LUZP1: variants seen among roughly 807,000 people sequenced by gnomAD.
The protein encoded by LUZP1 is filamin mechanobinding actin cross-linking protein.
LUZP1 carries 25 observed loss-of-function variants against 71.3 expected under a neutral mutation model. The ratio of observed to expected loss-of-function variants is 0.35; its 90% CI spans 0.26 to 0.49. The LOEUF is 0.49. Ranked by LOEUF, LUZP1 falls within the 20% of genes least tolerant of loss-of-function variation. The probability of loss-of-function intolerance (pLI) is 0.99; values close to 1 mark genes in which losing one functional copy is unlikely to be tolerated. For synonymous variants in LUZP1, 481 were observed against 506.4 expected (o/e 0.95, Z 0.67); for missense variants, 1,142 against 1,300.8 (o/e 0.88, Z 1.88).
chr1:23,147,750 C>T (rs1242118850), intron 2 of LUZP1, among the ~76,000 whole-genome samples: 1 of 151,922 alleles, frequency 6.6e-6, no homozygotes, highest in Non-Finnish European at 1.5e-5. Flanking sequence ...TTGCCATTTT[C>T]CATGTAAACA....
At chr1:23,115,859 A>AACC (rs1158938770) in intron 2 of LUZP1, among the ~76,000 whole-genome samples, 2 of 152,070 alleles carry the variant, frequency 1.3e-5, no homozygotes, top group African/African-American at 2.4e-5. Context: ...TTCCTTTTCT[A>AACC]ACCAGTGGTC....
rs1057468575 is a variant in LUZP1 at position 23,123,720 on chromosome 1, G to C, written c.-225-14593C>G. On this transcript the variant is annotated intron_variant, in intron 2 of 4. Coordinates refer to ENST00000302291, the Ensembl canonical transcript of LUZP1. ...AGCTCTCCCTGCTCTCAGGCCCTGA[G>C]GTAAGCCAGCATTTCCTTTCCAAGG... is the stretch of plus-strand genomic sequence containing the variant. 3.3e-5 allele frequency among the ~76,000 whole-genome samples: 5 copies of C among 152,066 alleles called. No homozygotes were observed. The South Asian group carries it at 1.0e-3, about 32-fold the overall frequency.
intron 2 of LUZP1, among the ~76,000 whole-genome samples, chr1:23,147,815 T>G (rs755315155): frequency 2.0e-4 from 31 of 152,188 alleles, no homozygotes; most frequent in Non-Finnish European, 2.6e-4. Flanking sequence ...AATGGGCATA[T>G]GTTTTACATT....
rs1644588163 is a variant in LUZP1, at chr1:23,177,283, G to GACCCT, written c.-485+207_-485+208insAGGGT. Among the ~76,000 whole-genome samples, 4 of 152,254 alleles carry GACCCT rather than the reference G, an allele frequency of 2.6e-5. No individual in the cohort carries two copies. In the South Asian group the frequency reaches 8.3e-4, roughly 32 times the overall value. Reference sequence around the variant, plus strand: ...CACACAACATGTTACACAATTACAAGGGGTTCACAGACCTCTGAGAGGACA... The same window carrying GACCCT: ...CACACAACATGTTACACAATTACAAGACCCTGGGTTCACAGACCTCTGAGAGGACA... On this transcript the variant is annotated intron_variant, in intron 1 of 4. Transcript: ENST00000302291.
intron 2 of LUZP1, among the ~76,000 whole-genome samples, chr1:23,138,912 C>T (rs1288777766): frequency 4.2e-5 from 6 of 143,710 alleles, no homozygotes; most frequent in Non-Finnish European, 7.5e-5. Context: ...GCAGGAGAAT[C>T]GCTTGAACCC....
At chr1:23,166,048 CAAAAAAAAAAA>C (rs76454136) in intron 2 of LUZP1, among the ~76,000 whole-genome samples, 1 of 98,534 alleles carries the variant, frequency 1.0e-5, no homozygotes, top group Non-Finnish European at 2.3e-5. Flanking sequence ...GTCTTTTTAC[CAAAAAAAAAAA>C]AAAAAAGAAA....
At position 23,124,897 on chromosome 1, in the gene LUZP1, T is replaced by C. The variant is rs537361250; in HGVS notation, c.-225-15770A>G. Reference sequence around the variant, plus strand: ...GACTTTCGTTCATTCTAATGCCCTTTCAAACTCTAAATGACCTAACCTTGA... The same window carrying C: ...GACTTTCGTTCATTCTAATGCCCTTCCAAACTCTAAATGACCTAACCTTGA... On this transcript the variant is annotated intron_variant, in intron 2 of 4. Coordinates refer to ENST00000302291, the Ensembl canonical transcript of LUZP1. 2.0e-5 allele frequency among the ~76,000 whole-genome samples: 3 copies of C among 152,256 alleles called. No individual in the cohort carries two copies. In the South Asian group the frequency reaches 6.2e-4, roughly 32 times the overall value.
chr1:23,145,189 C>G (rs1404259213), intron 2 of LUZP1, among the ~76,000 whole-genome samples: 1 of 151,976 alleles, frequency 6.6e-6, no homozygotes, highest in Admixed American at 6.5e-5. Context: ...AGGTGAGCCA[C>G]TATGCCCAGC....
Position 23,094,728 on chromosome 1 carries a change from T to A in LUZP1, c.-119-348A>T, listed in dbSNP as rs1024406848. Among the ~76,000 whole-genome samples, 6 of 152,212 alleles carry A rather than the reference T, an allele frequency of 3.9e-5. No homozygotes were observed. Among genetic ancestry groups the A allele is most frequent in the Admixed American group, 3.9e-4 (6 of 15,288 alleles). ...TAACAATGGAAACTAAGTCTCAGTT[T>A]TACTTAGTGGTAAAATGGGCATAAT... On this transcript the variant is annotated intron_variant, in intron 3 of 4. Transcript: ENST00000302291. The surrounding 1 kb of genome is among the most constrained non-coding windows in gnomAD (Gnocchi z 4.7).
intron 2 of LUZP1, among the ~76,000 whole-genome samples, chr1:23,123,853 G>T (rs991209573): frequency 6.6e-6 from 1 of 152,098 alleles, no homozygotes; most frequent in Non-Finnish European, 1.5e-5. Context: ...TGCTATTCTT[G>T]ATTATTCCCA....
In LUZP1 at chr1:23,177,077, G is replaced by C. The variant is rs78717935; in HGVS notation, c.-485+414C>G. Among the ~76,000 whole-genome samples the C allele has an allele frequency of 2.2e-3, 340 of 151,812 alleles. 2 individuals are homozygous for C. Among genetic ancestry groups the C allele is most frequent in the Non-Finnish European group, 3.4e-3 (232 of 67,938 alleles). On this transcript the variant is annotated intron_variant, in intron 1 of 4. Coordinates refer to ENST00000302291, the Ensembl canonical transcript of LUZP1. ...TTAAATTTTCTGTAAGGATGATGGG[G>C]GGGGGGTCTCACTATGTTTCCCAGG...
chr1:23,152,737 G>A (rs1369193997), intron 2 of LUZP1, among the ~76,000 whole-genome samples: 1 of 151,980 alleles, frequency 6.6e-6, no homozygotes, highest in African/African-American at 2.4e-5. Flanking sequence ...TGCCACGTTG[G>A]CCAGGCTGGT....
chr1:23,159,373 A>C (rs1180016653), intron 2 of LUZP1, among the ~76,000 whole-genome samples: 14 of 152,118 alleles, frequency 9.2e-5, no homozygotes, highest in Admixed American at 7.9e-4. Flanking sequence ...CTCCCCTCCC[A>C]AAGATAAAAA....
chr1:23,092,550 C>T (rs759123627), exon 4 of LUZP1: 15 of 1,614,044 alleles, frequency 9.3e-6, no homozygotes, highest in Middle Eastern at 1.6e-4. Context: ...GGAGGATCTT[C>T]GAGATGAGGC....
At chr1:23,114,296 T>C (rs1212317347) in intron 2 of LUZP1, among the ~76,000 whole-genome samples, 1 of 152,246 alleles carries the variant, frequency 6.6e-6, no homozygotes, top group Non-Finnish European at 1.5e-5. Context: ...CCTCCTATAA[T>C]TGCTGAAGTA....
At chr1:23,121,375 T>TG (rs1644128508) in intron 2 of LUZP1, among the ~76,000 whole-genome samples, 1 of 152,168 alleles carries the variant, frequency 6.6e-6, no homozygotes. Flanking sequence ...AAACCAAAAT[T>TG]GGTTTTTCTG....
intron 3 of LUZP1, among the ~76,000 whole-genome samples, chr1:23,096,883 T>C (rs908563412): frequency 1.3e-5 from 2 of 151,984 alleles, no homozygotes; most frequent in Non-Finnish European, 2.9e-5. Flanking sequence ...TGGGGCACGA[T>C]AATTGCCTGA....
intron 1 of LUZP1, among the ~76,000 whole-genome samples, chr1:23,171,605 G>C (rs542946453): frequency 1.3e-5 from 2 of 152,218 alleles, no homozygotes; most frequent in Non-Finnish European, 2.9e-5. Flanking sequence ...GAGGAACTTT[G>C]GGGTTCTGAT....
Position 23,107,644 on chromosome 1 carries a change from T to A in LUZP1, c.-120+1378A>T, listed in dbSNP as rs377614921. Among the ~76,000 whole-genome samples the A allele has an allele frequency of 3.6e-4, 55 of 151,836 alleles. 1 individual carries two copies. Among genetic ancestry groups the A allele is most frequent in the Admixed American group, 1.3e-3 (20 of 15,252 alleles). ...GGTGAAACCCTGTCTCTACAAAAAA[T>A]ACAAAAATTAGCCCAGGCGTGGTGG... On this transcript the variant is annotated intron_variant, in intron 3 of 4. Coordinates refer to ENST00000302291, the Ensembl canonical transcript of LUZP1.
Sources: allele counts gnomAD v4.1 joint callset (sites outside exome capture counted in the v4.1 genomes callset), GRCh38; gene constraint gnomAD v4.1.1; non-coding constraint Gnocchi (gnomAD v3.1); transcripts MANE v1.5; gene names NCBI Gene and HGNC (gene_info 2026-07-23, HGNC 2026-07-21).